MRO: variants seen among roughly 807,000 people sequenced by gnomAD.
The protein encoded by MRO is maestro, also known as protein maestro.
In MRO, 28 loss-of-function variants were observed where a neutral mutation model predicts 31.0. The observed-to-expected ratio is 0.90, with a 90% confidence interval of 0.67 to 1.24. The LOEUF (loss-of-function observed/expected upper bound fraction) is 1.24. Ranked by LOEUF, MRO falls within the 50% of genes most tolerant of loss-of-function variation. The probability of loss-of-function intolerance (pLI) is 0.00; values close to 1 mark genes in which losing one functional copy is unlikely to be tolerated. For synonymous variants in MRO, 108 were observed against 108.4 expected, an observed-to-expected ratio of 1.00 and a Z score of 0.02; for missense variants, 332 against 289.2, an observed-to-expected ratio of 1.15 and a Z score of -1.07.
At chr18:50,803,700 C>A (rs1241316490) in intron 5 of MRO, among the ~76,000 whole-genome samples, 1 of 152,202 alleles carries the variant, frequency 6.6e-6, no homozygotes, top group East Asian at 1.9e-4. Context: ...GTCTCTGGAG[C>A]AGGTGAGACA....
At chr18:50,811,151 G>A (rs946291954) in intron 2 of MRO, among the ~76,000 whole-genome samples, 6 of 152,224 alleles carry the variant, frequency 3.9e-5, no homozygotes, top group Admixed American at 2.6e-4. Context: ...CTAAAGGCCA[G>A]CTGTGGAGGA....
At chr18:50,802,205 GTCTCT>G (rs1913404491) in intron 5 of MRO, among the ~76,000 whole-genome samples, 1 of 151,846 alleles carries the variant, frequency 6.6e-6, no homozygotes, top group African/African-American at 2.4e-5. Context: ...TTTTTGCCAA[GTCTCT>G]TCTCTTTGCT....
chr18:50,798,908 TA>T lies in MRO; in HGVS notation c.*428del, dbSNP rs1294833629. On this transcript the variant is annotated 3_prime_UTR_variant, in exon 8 of 8. Transcript: ENST00000398439. ...AGCAAAGTATCAATAGCAAATACAC[TA>T]AAAAAAAACAAAACAACAACAACAA... 5.0e-5 allele frequency: 7 copies of T among 139,838 alleles called. No individual in the cohort carries two copies. Among genetic ancestry groups the T allele is most frequent in the South Asian group, 2.2e-4 (1 of 4,532 alleles). The allele number at this position is 139,838 out of a possible 1,614,324, so 8.7% of individuals were successfully genotyped here. A position where few individuals can be genotyped will look rare whatever the true frequency, so the allele number is the denominator to read the frequency against.
At chr18:50,807,843 C>T (rs566914482) in intron 3 of MRO, among the ~76,000 whole-genome samples, 60 of 152,260 alleles carry the variant, frequency 3.9e-4, no homozygotes, top group African/African-American at 1.4e-3. Flanking sequence ...TTTGGGAGGC[C>T]GAGGCAGGCG....
chr18:50,802,941 GTT>G (rs1913529157), intron 5 of MRO, among the ~76,000 whole-genome samples: 2 of 139,134 alleles, frequency 1.4e-5, no homozygotes, highest in Non-Finnish European at 3.2e-5. Context: ...GTGTGTGTGT[GTT>G]TAACAAATTT....
At position 50,801,452 on chromosome 18, in the gene MRO, G is replaced by A; in HGVS notation, c.482C>T (p.Ala161Val). ...SAFVLFGQLAAFAGRKWKKFF... is the reference protein window; with the variant it reads ...SAFVLFGQLAVFAGRKWKKFF... Reference sequence around the variant, plus strand: ...TTTTTTCCATTTCCTCCCGGCAAAGGCAGCCAATTGCCCAAACAAAACAAA... The same window carrying A: ...TTTTTTCCATTTCCTCCCGGCAAAGACAGCCAATTGCCCAAACAAAACAAA... Residue 161 changes from alanine (A) to valine (V), a missense_variant, in exon 6 of 8, where the codon GCC becomes GTC. Physicochemically the swap from Ala to Val is moderately conservative, Grantham distance 64. Coordinates refer to ENST00000398439, the MANE Select transcript of MRO (RefSeq NM_031939.6). 3.7e-6 allele frequency: 6 copies of A among 1,612,446 alleles called. No individual in the cohort carries two copies. Among genetic ancestry groups the A allele is most frequent in the East Asian group, 2.2e-5 (1 of 44,870 alleles).
chr18:50,808,617 C>T (rs540946397), intron 3 of MRO, among the ~76,000 whole-genome samples: 1 of 151,720 alleles, frequency 6.6e-6, no homozygotes, highest in South Asian at 2.1e-4. Context: ...CCACCATGCC[C>T]AGCTAATTTT....
At chr18:50,820,105 G>C (rs1449347037), upstream of MRO, 1 of 754,436 alleles carries the variant, frequency 1.3e-6, no homozygotes, top group Non-Finnish European at 2.2e-6. Context: ...TCAATGGACG[G>C]GTTCCAGGCG....
At chr18:50,800,534 C>T (rs536786805) in intron 6 of MRO, among the ~76,000 whole-genome samples, 75 of 152,310 alleles carry the variant, frequency 4.9e-4, no homozygotes, top group African/African-American at 1.7e-3. Context: ...TTGATCCAAC[C>T]TTGTTGGGAT....
At chr18:50,802,717 T>C (rs1419463063) in intron 5 of MRO, among the ~76,000 whole-genome samples, 1 of 146,246 alleles carries the variant, frequency 6.8e-6, no homozygotes, top group Middle Eastern at 3.2e-3. Context: ...TTTGTTTTTT[T>C]TTGTTTTTGT....
At chr18:50,813,180 G>T (rs1914611405) in intron 2 of MRO, among the ~76,000 whole-genome samples, 1 of 152,118 alleles carries the variant, frequency 6.6e-6, no homozygotes, top group Non-Finnish European at 1.5e-5. Flanking sequence ...ACCCCAGGTG[G>T]ATTTGCTCCA....
At chr18:50,811,423 T>G (rs1914461639) in intron 2 of MRO, among the ~76,000 whole-genome samples, 1 of 152,238 alleles carries the variant, frequency 6.6e-6, no homozygotes, top group African/African-American at 2.4e-5. Context: ...TTACCTATTC[T>G]GAATATTTCA....
At chr18:50,816,838 T>G (rs1434108345) in intron 2 of MRO, among the ~76,000 whole-genome samples, 1 of 151,682 alleles carries the variant, frequency 6.6e-6, no homozygotes, top group Admixed American at 6.6e-5. Flanking sequence ...CCAAGGAGGG[T>G]GTGGGCCTCA....
At chr18:50,802,644 T>C (rs1047643299) in intron 5 of MRO, among the ~76,000 whole-genome samples, 25 of 152,132 alleles carry the variant, frequency 1.6e-4, no homozygotes, top group African/African-American at 6.0e-4. Flanking sequence ...GGAACACTAA[T>C]CATATTGTGA....
In MRO at chr18:50,809,389, T is replaced by C. The variant is rs1173977379; in HGVS notation, c.12A>G (p.Arg4=). 12 of 1,612,960 alleles carry C rather than the reference T, an allele frequency of 7.4e-6. No homozygotes were observed. In the Admixed American group the frequency reaches 8.4e-5, roughly 11 times the overall value. Residue 4 remains arginine, a synonymous_variant, in exon 3 of 8, where the codon AGA becomes AGG. Coordinates refer to ENST00000398439, the MANE Select transcript of MRO (RefSeq NM_031939.6). ...GGGGCTGGCCCAGGATTCTCCTCTG[T>C]CTTTGGTCCATGGAACTAAAAACAA... MDQ[R]QRRILGQPLS... is the part of the protein sequence containing the mutation.
chr18:50,807,712 A>G (rs1025220265), intron 3 of MRO, among the ~76,000 whole-genome samples: 2 of 152,252 alleles, frequency 1.3e-5, no homozygotes, highest in South Asian at 2.1e-4. Context: ...CATGCATCTG[A>G]GCATGCAGTT....
rs143205744 is a variant in MRO, at chr18:50,801,382, G to C, written c.552C>G (p.Ile184Met). The change falls in exon 6 of 8, where the codon ATC becomes ATG. Residue 184 changes from isoleucine to methionine, a missense_variant. Physicochemically the swap from Ile to Met is conservative, Grantham distance 10 (BLOSUM62 1). Transcript: ENST00000398439. The stretch of plus-strand genomic sequence containing the variant: ...CCTGGGGATTTCTGTCCTGTAAATG[G>C]ATCAGGAGGGAATCTCGTGTCTGCT... ...QVKQTRDSLL[I>M]HLQDRNPQVA... is the part of the protein sequence containing the mutation. 1 of 1,609,344 alleles carries C rather than the reference G, an allele frequency of 6.2e-7. No homozygotes were observed. The highest frequency in any genetic ancestry group is 8.5e-7 in the Non-Finnish European group (1 of 1,177,172).
chr18:50,802,843 C>T (rs376400834), intron 5 of MRO, among the ~76,000 whole-genome samples: 4 of 151,944 alleles, frequency 2.6e-5, no homozygotes, highest in South Asian at 4.2e-4. Context: ...TACAGGCACA[C>T]ACCACCATGC....
chr18:50,799,582 A>G (rs760519294), intron 7 of MRO, among the ~76,000 whole-genome samples, 192 bp from the exon 8 acceptor site: 1 of 152,148 alleles, frequency 6.6e-6, no homozygotes, highest in Admixed American at 6.6e-5. Flanking sequence ...GCGTTTTGCC[A>G]TTTACATTGT....
Sources: allele counts gnomAD v4.1 joint callset (sites outside exome capture counted in the v4.1 genomes callset), GRCh38; gene constraint gnomAD v4.1.1; transcripts MANE v1.5; gene names NCBI Gene and HGNC (gene_info 2026-07-23, HGNC 2026-07-21).